ZNF490: variants seen among roughly 807,000 people sequenced by gnomAD.
The protein encoded by ZNF490 is zinc finger protein 490.
Under a neutral mutation model 17.7 loss-of-function variants are expected in ZNF490, and 11 were observed. The ratio of observed to expected loss-of-function variants is 0.62; its 90% CI spans 0.39 to 1.03. The LOEUF (loss-of-function observed/expected upper bound fraction) is 1.03. Among genes scored for constraint, ZNF490 ranks in the 50% least tolerant of loss-of-function variants. ZNF490 has a pLI of 0.00. For missense variants in ZNF490, 542 were observed against 643.4 expected, an observed-to-expected ratio of 0.84 and a Z score of 1.71; for synonymous variants, 222 against 216.1, an observed-to-expected ratio of 1.03 and a Z score of -0.24.
Position 12,578,581 on chromosome 19 carries a change from A to AT in ZNF490, c.*1903dup. On this transcript the variant is annotated 3_prime_UTR_variant, in exon 5 of 5. Coordinates refer to ENST00000311437, the MANE Select transcript of ZNF490 (RefSeq NM_020714.3). ...GCCCTGGAATAATGCAATGCTGACA[A>AT]TGTCTGTGAATTAGGATGTGCATAG... 1 of 985,462 alleles carries AT rather than the reference A, an allele frequency of 1.0e-6. No homozygotes were observed. 61.0% of individuals were successfully genotyped at this position (985,462 alleles called of 1,614,324 possible). A position where few individuals can be genotyped will look rare whatever the true frequency, so the allele number is the denominator to read the frequency against.
At chr19:12,587,605 TATA>T (rs1233086134) in intron 2 of ZNF490, among the ~76,000 whole-genome samples, 1 of 91,894 alleles carries the variant, frequency 1.1e-5, no homozygotes, top group Non-Finnish European at 2.9e-5. Context: ...GAACTTAAAG[TATA>T]ATAATAAAAA....
intron 2 of ZNF490, among the ~76,000 whole-genome samples, chr19:12,593,441 G>A (rs1402604541): frequency 2.0e-5 from 3 of 151,964 alleles, no homozygotes; most frequent in African/African-American, 7.3e-5. Context: ...GTAGAGACGG[G>A]GTTTCTCCAT....
Position 12,579,784 on chromosome 19 carries a change from AAC to A in ZNF490, c.*699_*700del, listed in dbSNP as rs1201239200. The A allele has an allele frequency of 6.6e-6, 1 of 152,374 alleles. No homozygotes were observed. The highest frequency in any genetic ancestry group is 1.5e-5 in the Non-Finnish European group (1 of 68,294). The allele number at this position is 152,374 out of a possible 1,614,324, so 9.4% of individuals were successfully genotyped here. A position where few individuals can be genotyped will look rare whatever the true frequency, so the allele number is the denominator to read the frequency against. ...ACACCACTGCACTCCAGCCTGGGGC[AAC>A]AGAGTGAGACACCATCTTGGGGTGC... On this transcript the variant is annotated 3_prime_UTR_variant, in exon 5 of 5. Coordinates refer to ENST00000311437, the MANE Select transcript of ZNF490 (RefSeq NM_020714.3).
In ZNF490 at chr19:12,577,674, C is replaced by T; in HGVS notation, c.*2811G>A. 5 of 985,538 alleles carry T rather than the reference C, an allele frequency of 5.1e-6. No individual in the cohort carries two copies. The highest frequency in any genetic ancestry group is 6.0e-6 in the Non-Finnish European group (5 of 830,008). 61.0% of individuals were successfully genotyped at this position (985,538 alleles called of 1,614,324 possible). ...CCAGTCGGCCTCTGGACCCTAGTATCTTCACCGTGGTTTTGGATGCTGCCA... is the reference window on the plus strand; with the variant it reads ...CCAGTCGGCCTCTGGACCCTAGTATTTTCACCGTGGTTTTGGATGCTGCCA... On this transcript the variant is annotated 3_prime_UTR_variant, in exon 5 of 5. Coordinates refer to ENST00000311437, the MANE Select transcript of ZNF490 (RefSeq NM_020714.3).
intron 2 of ZNF490, among the ~76,000 whole-genome samples, chr19:12,586,247 C>A (rs1434443093): frequency 2.2e-5 from 2 of 92,784 alleles, no homozygotes; most frequent in African/African-American, 6.5e-5. Context: ...TGCAGTGAGC[C>A]AAGATCGTGC....
chr19:12,578,390 T>C lies in ZNF490; in HGVS notation c.*2095A>G. On this transcript the variant is annotated 3_prime_UTR_variant, in exon 5 of 5. Transcript: ENST00000311437. The stretch of plus-strand genomic sequence containing the variant: ...CTGGTAACCGCAGGAGAGTGGATGC[T>C]GTGTGGTCAAGGGGTGTGTGTCCCA... The C allele has an allele frequency of 1.0e-6, 1 of 985,576 alleles. No individual in the cohort carries two copies. The allele number at this position is 985,576 out of a possible 1,614,324, so 61.1% of individuals were successfully genotyped here.
chr19:12,597,071 G>A (rs2022942898), intron 2 of ZNF490: 1 of 456,792 alleles, frequency 2.2e-6, no homozygotes, highest in Non-Finnish European at 4.4e-6. Context: ...GCTGCGCCAG[G>A]GGGACTCGGG....
chr19:12,581,790 A>G, intron 4 of ZNF490, 66 bp from the exon 5 acceptor site: 1 of 1,361,588 alleles, frequency 7.3e-7, no homozygotes, highest in Admixed American at 2.3e-5. Flanking sequence ...ATTAGCAAGT[A>G]CCAGAATTAC....
Position 12,578,420 on chromosome 19 carries a change from A to G in ZNF490, c.*2065T>C, listed in dbSNP as rs992229759. 25 of 985,374 alleles carry G rather than the reference A, an allele frequency of 2.5e-5. No individual in the cohort carries two copies. The African/African-American group carries it at 3.7e-4, about 14-fold the overall frequency. The allele number at this position is 985,374 out of a possible 1,614,324, so 61.0% of individuals were successfully genotyped here. A position where few individuals can be genotyped will look rare whatever the true frequency, so the allele number is the denominator to read the frequency against. On this transcript the variant is annotated 3_prime_UTR_variant, in exon 5 of 5. Transcript: ENST00000311437. Reference sequence around the variant, plus strand: ...GGTCAAGGGGTGTGTGTCCCATGATACAGGCTCTGCTTCTTCAGTCTCTCA... The same window carrying G: ...GGTCAAGGGGTGTGTGTCCCATGATGCAGGCTCTGCTTCTTCAGTCTCTCA...
chr19:12,603,935 G>A (rs1380746396), intron 2 of ZNF490, among the ~76,000 whole-genome samples: 1 of 150,698 alleles, frequency 6.6e-6, no homozygotes, highest in East Asian at 2.0e-4. Flanking sequence ...GGTGATTTTT[G>A]GAAAGCTCCT....
intron 2 of ZNF490, among the ~76,000 whole-genome samples, chr19:12,607,858 C>T (rs535207277): frequency 2.0e-4 from 31 of 152,144 alleles, no homozygotes; most frequent in African/African-American, 6.5e-4. Flanking sequence ...ACAGGAAGGA[C>T]GGTGACCCAG....
At chr19:12,592,701 T>C (rs1401435166) in intron 2 of ZNF490, among the ~76,000 whole-genome samples, 1 of 152,180 alleles carries the variant, frequency 6.6e-6, no homozygotes, top group African/African-American at 2.4e-5. Context: ...TCAGCCCTAA[T>C]GTAAACTGTG....
At position 12,576,632 on chromosome 19, in the gene ZNF490, G is replaced by A. The variant is rs1281128656; in HGVS notation, c.*3853C>T. 8.6e-5 allele frequency among the ~76,000 whole-genome samples: 13 copies of A among 151,044 alleles called. No individual in the cohort carries two copies. The East Asian group carries it at 2.5e-3, about 29-fold the overall frequency. ...AGATTGAGACCATCCTGGTCAACAT[G>A]GTGAAACCCCATCTCTACTAAAAAT... On this transcript the variant is annotated 3_prime_UTR_variant, in exon 5 of 5. Coordinates refer to ENST00000311437, the MANE Select transcript of ZNF490 (RefSeq NM_020714.3).
At position 12,581,275 on chromosome 19, in the gene ZNF490, C is replaced by T. The variant is rs771874028; in HGVS notation, c.800G>A (p.Arg267His). Residue 267 changes from arginine (R) to histidine (H), a missense_variant, in exon 5 of 5, where the codon CGC (arginine) becomes CAC (histidine). Coordinates refer to ENST00000311437, the MANE Select transcript of ZNF490 (RefSeq NM_020714.3). The part of the protein sequence containing the change: ...KAFRYLTALR[R>H]HEKNHTGEKP... ...CTCTCCAGTGTGATTTTTTTCATGG[C>T]GCCGAAGAGCAGTGAGATATCTGAA... 1.7e-5 allele frequency: 27 copies of T among 1,613,588 alleles called. No individual in the cohort carries two copies. The South Asian group carries it at 2.0e-4, about 12-fold the overall frequency.
chr19:12,579,003 C>T lies in ZNF490; in HGVS notation c.*1482G>A. Reference sequence around the variant, plus strand: ...GCGCGGTGGCTCACGCCTATAATCCCAGCACTTTGGGAGGCCGAGGAGGGC... The same window carrying T: ...GCGCGGTGGCTCACGCCTATAATCCTAGCACTTTGGGAGGCCGAGGAGGGC... On this transcript the variant is annotated 3_prime_UTR_variant, in exon 5 of 5. Coordinates refer to ENST00000311437, the MANE Select transcript of ZNF490 (RefSeq NM_020714.3). 2.1e-5 allele frequency: 20 copies of T among 972,832 alleles called. No individual in the cohort carries two copies. Among genetic ancestry groups the T allele is most frequent in the Non-Finnish European group, 2.3e-5 (19 of 818,430 alleles). The allele number at this position is 972,832 out of a possible 1,614,324, so 60.3% of individuals were successfully genotyped here.
In ZNF490 at chr19:12,607,736, C is replaced by CA. The variant is rs34773066; in HGVS notation, c.162+1421dup. 5.2e-3 allele frequency among the ~76,000 whole-genome samples: 708 copies of CA among 137,040 alleles called. 22 individuals carry two copies. In the East Asian group the frequency reaches 0.076, roughly 15 times the overall value. The allele number at this position is 137,040 out of a possible 152,430, so 89.9% of individuals were successfully genotyped here. A position where few individuals can be genotyped will look rare whatever the true frequency, so the allele number is the denominator to read the frequency against. ...GGGCAACACAGCAAGATCCCTGTCTCAAAAAAAAAAAAAAGGAACAAACAA... is the reference window on the plus strand; with the variant it reads ...GGGCAACACAGCAAGATCCCTGTCTCAAAAAAAAAAAAAAAGGAACAAACAA... On this transcript the variant is annotated intron_variant, in intron 2 of 4. Transcript: ENST00000311437.
intron 2 of ZNF490, among the ~76,000 whole-genome samples, chr19:12,600,708 G>C (rs140233525): frequency 1.3e-5 from 2 of 152,120 alleles, no homozygotes; most frequent in African/African-American, 2.4e-5. Context: ...TTGTTGTCTT[G>C]TCTTGGTCCT....
intron 2 of ZNF490, among the ~76,000 whole-genome samples, chr19:12,598,084 C>CATG (rs2022956788): frequency 6.6e-6 from 1 of 151,756 alleles, no homozygotes; most frequent in Non-Finnish European, 1.5e-5. Flanking sequence ...ATTAGCTGGG[C>CATG]GTGGTGGCAC....
At chr19:12,593,873 C>A (rs1286257208) in intron 2 of ZNF490, among the ~76,000 whole-genome samples, 2 of 152,164 alleles carry the variant, frequency 1.3e-5, no homozygotes, top group African/African-American at 4.8e-5. Flanking sequence ...AGAAGTCACC[C>A]TCCCACCCCA....
Sources: gnomAD v4.1 joint callset for allele counts (sites outside exome capture counted in the v4.1 genomes callset) on GRCh38, gnomAD v4.1.1 for gene constraint, MANE v1.5 for transcripts, NCBI Gene and HGNC (gene_info 2026-07-23, HGNC 2026-07-21) for gene names.